SCHIP1: variants seen among roughly 807,000 people sequenced by gnomAD.
The protein encoded by SCHIP1 is schwannomin interacting protein 1, also known as schwannomin-interacting protein 1.
SCHIP1 carries 8 observed loss-of-function variants against 29.7 expected under a neutral mutation model. The ratio of observed to expected loss-of-function variants is 0.27; its 90% confidence interval spans 0.16 to 0.49. The LOEUF (loss-of-function observed/expected upper bound fraction) is 0.49. Among genes scored for constraint, SCHIP1 ranks in the 20% least tolerant of loss-of-function variants. SCHIP1 has a pLI of 0.99. For synonymous variants in SCHIP1, 76 were observed against 94.9 expected, an observed-to-expected ratio of 0.80 and a Z score of 1.16; for missense variants, 193 against 294.6, an observed-to-expected ratio of 0.66 and a Z score of 2.52.
At chr3:159,609,783 A>G in the SCHIP1 span, among the ~76,000 whole-genome samples, 1 of 152,218 alleles carries the variant, frequency 6.6e-6, no homozygotes, top group Middle Eastern at 3.4e-3. Context: ...TATTTAAGCA[A>G]CTGTATTTTA....
chr3:159,776,635 T>C, the SCHIP1 span, among the ~76,000 whole-genome samples: 1 of 152,222 alleles, frequency 6.6e-6, no homozygotes, highest in East Asian at 1.9e-4. Context: ...GCAGTAACTT[T>C]AAAACATTTT....
chr3:159,496,348 C>T, the SCHIP1 span, among the ~76,000 whole-genome samples: 5 of 152,094 alleles, frequency 3.3e-5, no homozygotes, highest in African/African-American at 7.2e-5. Context: ...TTTTTGCAAC[C>T]TACTCATCTG....
chr3:159,838,024 G>A (rs1403235736), upstream of SCHIP1, among the ~76,000 whole-genome samples: 2 of 152,128 alleles, frequency 1.3e-5, no homozygotes, highest in African/African-American at 4.8e-5. Context: ...GCTTCTGCAC[G>A]GTGAGTCTCC....
chr3:159,296,602 C>T, the SCHIP1 span, among the ~76,000 whole-genome samples: 33 of 152,028 alleles, frequency 2.2e-4, no homozygotes, highest in Non-Finnish European at 8.8e-5. Context: ...GGCGAAACCC[C>T]GTCTCTACTA....
chr3:159,650,482 T>C, the SCHIP1 span, among the ~76,000 whole-genome samples: 1 of 152,178 alleles, frequency 6.6e-6, no homozygotes, highest in Non-Finnish European at 1.5e-5. Flanking sequence ...AGAAGTCACC[T>C]GATACACCTG....
chr3:159,814,512 G>A, the SCHIP1 span, among the ~76,000 whole-genome samples: 29,550 of 152,224 alleles, frequency 0.19, 3,209 homozygotes, highest in Middle Eastern at 0.33. Context: ...GTAGTGTTTT[G>A]TAGTGGCTAC....
the SCHIP1 span, among the ~76,000 whole-genome samples, chr3:159,328,646 T>C: frequency 1.3e-5 from 2 of 152,150 alleles, no homozygotes; most frequent in African/African-American, 4.8e-5. Flanking sequence ...AATGCCCCTG[T>C]TGTAGCCTGG....
At chr3:159,618,585 C>T in the SCHIP1 span, among the ~76,000 whole-genome samples, 1 of 152,214 alleles carries the variant, frequency 6.6e-6, no homozygotes, top group Non-Finnish European at 1.5e-5. Flanking sequence ...ATGTGGCATT[C>T]GTCTTGCTCT....
the SCHIP1 span, among the ~76,000 whole-genome samples, chr3:159,818,743 C>CCAGCA: frequency 2.0e-5 from 3 of 152,352 alleles, no homozygotes; most frequent in Non-Finnish European, 2.9e-5. Flanking sequence ...TCAGCTGTGT[C>CCAGCA]CAGCATGGAG....
At chr3:159,864,724 G>A (rs940573257) in intron 1 of SCHIP1, among the ~76,000 whole-genome samples, 2 of 152,106 alleles carry the variant, frequency 1.3e-5, no homozygotes, top group South Asian at 2.1e-4. Flanking sequence ...TGGCACTAGA[G>A]CCTGGGGCAT....
At chr3:159,406,326 G>A in the SCHIP1 span, among the ~76,000 whole-genome samples, 2 of 152,270 alleles carry the variant, frequency 1.3e-5, no homozygotes, top group African/African-American at 4.8e-5. Flanking sequence ...CATATTTAAA[G>A]TGCTGAATGA....
the SCHIP1 span, chr3:159,765,210 C>T: frequency 7.0e-7 from 1 of 1,433,126 alleles, no homozygotes; most frequent in Non-Finnish European, 9.2e-7. Flanking sequence ...CGCACGCCCC[C>T]TCCCTGCGCT....
the SCHIP1 span, among the ~76,000 whole-genome samples, chr3:159,385,128 T>C: frequency 5.0e-4 from 76 of 152,308 alleles, no homozygotes; most frequent in East Asian, 0.013. Context: ...TGAACATAAG[T>C]ATTGATACCA....
At chr3:159,767,763 C>T in the SCHIP1 span, among the ~76,000 whole-genome samples, 2 of 152,156 alleles carry the variant, frequency 1.3e-5, no homozygotes, top group African/African-American at 2.4e-5. Context: ...TGTCCCCCAC[C>T]ACCCTTCCTA....
At chr3:159,816,948 C>T in the SCHIP1 span, among the ~76,000 whole-genome samples, 5 of 152,206 alleles carry the variant, frequency 3.3e-5, no homozygotes, top group South Asian at 2.1e-4. Context: ...CCTGACCCCC[C>T]GGCTTGATTA....
At chr3:159,860,553 A>G (rs968239141) in intron 1 of SCHIP1, among the ~76,000 whole-genome samples, 7 of 152,224 alleles carry the variant, frequency 4.6e-5, no homozygotes, top group Non-Finnish European at 8.8e-5. Flanking sequence ...GTGAATTAGT[A>G]CTGAGACAGT....
intron 2 of SCHIP1, among the ~76,000 whole-genome samples, chr3:159,878,350 C>T (rs1468782583): frequency 3.9e-5 from 6 of 151,930 alleles, no homozygotes; most frequent in Admixed American, 6.6e-5. Context: ...GGTATGGTGG[C>T]GGGTGCTTGT....
chr3:159,789,394 C>A, the SCHIP1 span, among the ~76,000 whole-genome samples: 21,858 of 152,192 alleles, frequency 0.14, 1,611 homozygotes, highest in East Asian at 0.22. Flanking sequence ...TTAATCACAT[C>A]GAAAGCACAC....
the SCHIP1 span, among the ~76,000 whole-genome samples, chr3:159,448,337 G>A: frequency 6.6e-6 from 1 of 151,980 alleles, no homozygotes; most frequent in African/African-American, 2.4e-5. Context: ...CAGGTGTGGT[G>A]GTGCACGCCT....
Sources: gnomAD v4.1 joint callset for allele counts (sites outside exome capture counted in the v4.1 genomes callset) on GRCh38, gnomAD v4.1.1 for gene constraint, MANE v1.5 for transcripts, NCBI Gene and HGNC (gene_info 2026-07-23, HGNC 2026-07-21) for gene names.